NBEA: variants seen among roughly 807,000 people sequenced by gnomAD.
NBEA encodes lysosomal-trafficking regulator 2.
Under a neutral mutation model 343.4 loss-of-function variants are expected in NBEA, and 44 were observed. That is an observed-to-expected ratio of 0.13 (90% CI 0.10 to 0.16). The LOEUF (loss-of-function observed/expected upper bound fraction) is 0.16. NBEA is among the 10% of genes least tolerant of loss of function. NBEA has a pLI of 1.00. For missense variants in NBEA, 2,555 were observed against 3,631.3 expected, an observed-to-expected ratio of 0.70 and a Z score of 7.62; for synonymous variants, 1,175 against 1,238.7, an observed-to-expected ratio of 0.95 and a Z score of 1.08.
chr13:35,475,729 G>T (rs148963167), intron 41 of NBEA: 1 of 1,613,750 alleles, frequency 6.2e-7, no homozygotes, highest in African/African-American at 1.3e-5. Context: ...TACCGCTTGA[G>T]CCACCAGCGT....
chr13:35,280,846 C>A (rs2035001811), intron 34 of NBEA, among the ~76,000 whole-genome samples: 1 of 151,684 alleles, frequency 6.6e-6, no homozygotes, highest in Non-Finnish European at 1.5e-5. Flanking sequence ...AAATATAACT[C>A]ACTTTGTAAT....
intron 41 of NBEA, among the ~76,000 whole-genome samples, chr13:35,533,423 T>C (rs1404458633): frequency 6.6e-6 from 1 of 152,140 alleles, no homozygotes; most frequent in Non-Finnish European, 1.5e-5. Context: ...ATAATACGTA[T>C]AATGAAAATT....
intron 33 of NBEA, among the ~76,000 whole-genome samples, chr13:35,213,373 G>A (rs758732286): frequency 1.3e-4 from 20 of 150,732 alleles, no homozygotes; most frequent in Non-Finnish European, 2.8e-4. Flanking sequence ...ATATTGAGTT[G>A]AGTAAGATCT....
intron 35 of NBEA, among the ~76,000 whole-genome samples, chr13:35,291,531 G>A (rs58911243): frequency 0.068 from 10,281 of 151,954 alleles, 400 homozygotes; most frequent in South Asian, 0.11. Context: ...TGAGGAGGTC[G>A]TCTGCAGGGC....
intron 18 of NBEA, among the ~76,000 whole-genome samples, chr13:35,144,755 C>T (rs1474721266): frequency 6.6e-6 from 1 of 152,098 alleles, no homozygotes; most frequent in Non-Finnish European, 1.5e-5. Context: ...GCTGCCTGGC[C>T]TGAGGGTTCT....
chr13:35,064,893 A>T (rs2063594362), intron 8 of NBEA, among the ~76,000 whole-genome samples: 1 of 151,408 alleles, frequency 6.6e-6, no homozygotes, highest in Non-Finnish European at 1.5e-5. Context: ...AGCCTCCAGA[A>T]CTATGAGAAA....
chr13:35,167,663 G>A (rs2152719198), intron 24 of NBEA, among the ~76,000 whole-genome samples: 1 of 151,838 alleles, frequency 6.6e-6, no homozygotes, highest in African/African-American at 2.4e-5. Flanking sequence ...TATGTAGTTT[G>A]GCCAATCTTT....
intron 39 of NBEA, among the ~76,000 whole-genome samples, chr13:35,448,673 A>G (rs890209401): frequency 5.3e-5 from 8 of 152,216 alleles, no homozygotes; most frequent in Non-Finnish European, 1.0e-4. Flanking sequence ...TACAATATCT[A>G]TAAATTATGC....
chr13:35,067,209 A>T (rs2063686158), intron 8 of NBEA, among the ~76,000 whole-genome samples: 1 of 152,096 alleles, frequency 6.6e-6, no homozygotes, highest in Non-Finnish European at 1.5e-5. Context: ...AGATTTTGTT[A>T]TATTGATCTT....
chr13:35,151,543 C>CA (rs35047334), intron 18 of NBEA, among the ~76,000 whole-genome samples: 36,345 of 93,890 alleles, frequency 0.39, 5,161 homozygotes, highest in Admixed American at 0.43. Flanking sequence ...AACTCTGTCT[C>CA]AAAAAAAAAA....
chr13:34,953,086 C>T (rs763021202), intron 1 of NBEA, among the ~76,000 whole-genome samples: 27 of 152,166 alleles, frequency 1.8e-4, no homozygotes, highest in Non-Finnish European at 3.5e-4. Context: ...AGAATCTTTA[C>T]ATGTCAGGCA....
intron 1 of NBEA, among the ~76,000 whole-genome samples, chr13:34,959,295 T>C (rs1172560222): frequency 6.6e-6 from 1 of 152,162 alleles, no homozygotes; most frequent in African/African-American, 2.4e-5. Context: ...GGTGTTAATC[T>C]GTTCACATGC....
chr13:35,510,733 C>G (rs562313922), intron 41 of NBEA, among the ~76,000 whole-genome samples: 1 of 152,292 alleles, frequency 6.6e-6, no homozygotes, highest in East Asian at 1.9e-4. Flanking sequence ...ATGCTAGAAA[C>G]TTTCATGTAT....
In NBEA at chr13:35,110,965, A is replaced by G; in HGVS notation, c.1989A>G (p.Thr663=). The change falls in exon 13 of 59, where the codon ACA becomes ACG. Residue 663 remains threonine (T), a synonymous_variant. Coordinates refer to ENST00000379939, the MANE Select transcript of NBEA (RefSeq NM_001385012.1). ...VINPADSSGI[T]PKGLDGPRPS... ...ATCCTGCTGACAGTAGTGGCATTACACCTAAAGGATTAGGTATGTATACCA... is the reference window on the plus strand; with the variant it reads ...ATCCTGCTGACAGTAGTGGCATTACGCCTAAAGGATTAGGTATGTATACCA... The G allele has an allele frequency of 1.2e-6, 2 of 1,608,694 alleles. No individual in the cohort carries two copies. The highest frequency in any genetic ancestry group is 1.7e-6 in the Non-Finnish European group (2 of 1,176,172).
intron 38 of NBEA, among the ~76,000 whole-genome samples, chr13:35,412,263 A>G (rs1200239533): frequency 6.6e-6 from 1 of 152,154 alleles, no homozygotes; most frequent in Non-Finnish European, 1.5e-5. Flanking sequence ...CACTGAGAAT[A>G]CATCCAACAG....
At chr13:35,477,580 T>G (rs948312830) in intron 41 of NBEA, among the ~76,000 whole-genome samples, 1 of 152,216 alleles carries the variant, frequency 6.6e-6, no homozygotes, top group African/African-American at 2.4e-5. Context: ...GGTGAGATCA[T>G]AGAGATCAAG....
intron 38 of NBEA, among the ~76,000 whole-genome samples, chr13:35,357,346 T>C (rs1347110286): frequency 1.2e-4 from 18 of 152,106 alleles, no homozygotes; most frequent in Admixed American, 1.2e-3. Flanking sequence ...TGCAGGTTTG[T>C]TACATAGGAA....
intron 45 of NBEA, among the ~76,000 whole-genome samples, chr13:35,579,571 C>T (rs910318360): frequency 6.6e-6 from 1 of 152,064 alleles, no homozygotes; most frequent in African/African-American, 2.4e-5. Flanking sequence ...ACATCAAATA[C>T]ATACCAGAAT....
At chr13:35,044,186 T>C (rs1010881557) in intron 2 of NBEA, among the ~76,000 whole-genome samples, 1 of 152,162 alleles carries the variant, frequency 6.6e-6, no homozygotes, top group Non-Finnish European at 1.5e-5. Flanking sequence ...TAAATTACAC[T>C]TCTACTTATA....
Sources: allele counts gnomAD v4.1 joint callset (sites outside exome capture counted in the v4.1 genomes callset), GRCh38; gene constraint gnomAD v4.1.1; transcripts MANE v1.5; gene names NCBI Gene and HGNC (gene_info 2026-07-23, HGNC 2026-07-21).